The following KANK1 variants were observed in gnomAD, a reference collection of about 807,000 sequenced individuals.
KANK1 encodes the protein KN motif and ankyrin repeat domains 1, also known as KN motif and ankyrin repeat domain-containing protein 1.
Under a neutral mutation model 106.2 loss-of-function variants are expected in KANK1, and 109 were observed. The ratio of observed to expected loss-of-function variants is 1.03; its 90% CI spans 0.88 to 1.20. KANK1 has a LOEUF of 1.20. Ranked by LOEUF, KANK1 falls within the 50% of genes most tolerant of loss-of-function variation. The pLI is 0.00. For missense variants in KANK1, 2,399 were observed against 1,710.7 expected (o/e 1.40, Z -7.10); for synonymous variants, 873 against 652.2 (o/e 1.34, Z -5.16).
At chr9:476,458 T>C (rs2132085568) in intron 3 of KANK1, among the ~76,000 whole-genome samples, 1 of 151,076 alleles carries the variant, frequency 6.6e-6, no homozygotes, top group East Asian at 2.0e-4. Context: ...GAGGCAGAGG[T>C]TGCAGTGGGC....
rs143660571 is a variant in KANK1, at chr9:558,426, T to A, written c.-84+53672T>A. Among the ~76,000 whole-genome samples the A allele has an allele frequency of 2.1e-3, 323 of 152,336 alleles. 2 individuals carry two copies. The highest frequency in any genetic ancestry group is 7.3e-3 in the African/African-American group (302 of 41,586). On this transcript the variant is annotated intron_variant, in intron 1 of 11. Coordinates refer to ENST00000382297, the MANE Select transcript of KANK1 (RefSeq NM_015158.5). ...TGAGCCTCTGGTTATAACGATTTTG[T>A]CAGCTGTCAACCGATCAATACATAG...
intron 1 of KANK1, among the ~76,000 whole-genome samples, chr9:626,506 A>G (rs1834384200): frequency 6.6e-6 from 1 of 152,208 alleles, no homozygotes; most frequent in Admixed American, 6.5e-5. Context: ...ATGCTCCTTT[A>G]GTCAGATTCT....
At chr9:607,241 T>G (rs1024762719) in intron 1 of KANK1, among the ~76,000 whole-genome samples, 2 of 151,622 alleles carry the variant, frequency 1.3e-5, no homozygotes, top group African/African-American at 4.9e-5. Flanking sequence ...ATCCCAGCAT[T>G]TTGGGAGGCC....
At position 732,742 on chromosome 9, in the gene KANK1, C is replaced by T. The variant is rs977362127; in HGVS notation, c.3245+125C>T. The T allele has an allele frequency of 1.1e-5, 12 of 1,044,250 alleles. No homozygotes were observed. The Admixed American group carries it at 2.9e-4, about 26-fold the overall frequency. The allele number at this position is 1,044,250 out of a possible 1,614,324, so 64.7% of individuals were successfully genotyped here. The stretch of plus-strand genomic sequence containing the variant: ...TTTATCTGTTCCTCAGAGGTATACA[C>T]ATCTTGAGATACTAATATATACAAG... On this transcript the variant is annotated intron_variant, in intron 6 of 11. Coordinates refer to ENST00000382297, the MANE Select transcript of KANK1 (RefSeq NM_015158.5).
At chr9:679,280 A>G (rs1817031131) in intron 2 of KANK1, among the ~76,000 whole-genome samples, 1 of 152,178 alleles carries the variant, frequency 6.6e-6, no homozygotes, top group Non-Finnish European at 1.5e-5. Flanking sequence ...TCAACCATAA[A>G]CAGTAATATA....
intron 1 of KANK1, among the ~76,000 whole-genome samples, chr9:583,228 A>C (rs1034122528): frequency 3.9e-5 from 6 of 152,208 alleles, no homozygotes; most frequent in African/African-American, 1.4e-4. Context: ...CTTATTTGTA[A>C]AAATTAAAAT....
In KANK1 at chr9:483,500, C is replaced by T. The variant is rs866247096; in HGVS notation, c.-362+10227C>T. 3.3e-5 allele frequency among the ~76,000 whole-genome samples: 5 copies of T among 152,260 alleles called. 1 individual carries two copies. Among genetic ancestry groups the T allele is most frequent in the Middle Eastern group, 3.4e-3 (1 of 294 alleles). The stretch of plus-strand genomic sequence containing the variant: ...GGGTCTGATTTCTGTTACCATAGGC[C>T]AGCTATGACACACCTATGAGTCTTA... On this transcript the variant is annotated intron_variant, in intron 3 of 15. Transcript: ENST00000382303.
upstream of KANK1, among the ~76,000 whole-genome samples, chr9:503,001 A>ATTTTT (rs35195436): frequency 1.4e-4 from 10 of 70,232 alleles, no homozygotes; most frequent in Admixed American, 4.0e-4. Flanking sequence ...CGCCCAGCTG[A>ATTTTT]TTTTTTTTTT....
chr9:507,133 C>CT (rs60184146), intron 1 of KANK1, among the ~76,000 whole-genome samples: 4,162 of 136,580 alleles, frequency 0.03, 134 homozygotes, highest in East Asian at 0.11. Flanking sequence ...CTTATGCCAT[C>CT]TTTTTTTTTT....
intron 1 of KANK1, among the ~76,000 whole-genome samples, chr9:515,299 C>A (rs181991609): frequency 6.7e-6 from 1 of 149,722 alleles, no homozygotes; most frequent in African/African-American, 2.5e-5. Flanking sequence ...GAGCCGAGAT[C>A]GTGCCACTGC....
chr9:600,473 C>G (rs1486649004), intron 1 of KANK1, among the ~76,000 whole-genome samples: 3 of 151,724 alleles, frequency 2.0e-5, no homozygotes, highest in Non-Finnish European at 4.4e-5. Flanking sequence ...TCTTTTCATT[C>G]CCATACAATG....
intron 2 of KANK1, among the ~76,000 whole-genome samples, chr9:699,877 G>C (rs1314753792): frequency 2.6e-5 from 4 of 152,202 alleles, no homozygotes; most frequent in Non-Finnish European, 4.4e-5. Flanking sequence ...AGCTACTAGA[G>C]AGGCTGAGGC....
intron 1 of KANK1, among the ~76,000 whole-genome samples, chr9:624,104 T>G (rs1269533991): frequency 2.0e-5 from 3 of 152,136 alleles, no homozygotes; most frequent in Non-Finnish European, 4.4e-5. Context: ...TGGAGGACAT[T>G]ATGCTAAGTG....
upstream of KANK1, among the ~76,000 whole-genome samples, chr9:502,451 T>C (rs372798299): frequency 1.5e-4 from 23 of 152,236 alleles, no homozygotes; most frequent in East Asian, 4.4e-3. Context: ...TGAGGGCCTA[T>C]CAATGTTTAC....
At chr9:674,302 C>G (rs1044431293) in intron 1 of KANK1, 2 of 151,430 alleles carry the variant, frequency 1.3e-5, no homozygotes, top group African/African-American at 4.9e-5. Flanking sequence ...GGTTTAGAAT[C>G]TCCTCTCTCC....
At chr9:662,469 C>G (rs1473578198) in intron 1 of KANK1, among the ~76,000 whole-genome samples, 9 of 152,032 alleles carry the variant, frequency 5.9e-5, no homozygotes. Flanking sequence ...GTACTGGTAC[C>G]AAAACAGAGA....
chr9:504,003 CA>C (rs1162070920), upstream of KANK1, among the ~76,000 whole-genome samples: 1 of 152,196 alleles, frequency 6.6e-6, no homozygotes, highest in Non-Finnish European at 1.5e-5. Context: ...ACGGAGGTCA[CA>C]AGGGAGGTGC....
chr9:546,949 A>G (rs968889455), intron 1 of KANK1, among the ~76,000 whole-genome samples: 1 of 152,136 alleles, frequency 6.6e-6, no homozygotes, highest in South Asian at 2.1e-4. Context: ...AAAGAGTACA[A>G]ATGGTTCTCA....
At chr9:515,439 C>CTG (rs80092654) in intron 1 of KANK1, among the ~76,000 whole-genome samples, 20,089 of 128,480 alleles carry the variant, frequency 0.16, 2,562 homozygotes, top group African/African-American at 0.38. Context: ...TTTCTCTACA[C>CTG]ATTTATTGTG....
Sources: gnomAD v4.1 joint callset for allele counts (sites outside exome capture counted in the v4.1 genomes callset) on GRCh38, gnomAD v4.1.1 for gene constraint, MANE v1.5 for transcripts, NCBI Gene and HGNC (gene_info 2026-07-23, HGNC 2026-07-21) for gene names.